PRKN: variants seen among roughly 807,000 people sequenced by gnomAD.
PRKN encodes the protein parkin RBR E3 ubiquitin protein ligase, also known as E3 ubiquitin-protein ligase parkin.
Under a neutral mutation model 59.5 loss-of-function variants are expected in PRKN, and 56 were observed. The ratio of observed to expected loss-of-function variants is 0.94; its 90% confidence interval spans 0.76 to 1.18. The LOEUF (loss-of-function observed/expected upper bound fraction) is 1.18. Ranked by LOEUF, PRKN falls within the 50% of genes most tolerant of loss-of-function variation. PRKN has a pLI of 0.00. For missense variants in PRKN, 657 were observed against 596.4 expected (o/e 1.10, Z -1.06); for synonymous variants, 250 against 222.1 (o/e 1.13, Z -1.12).
intron 7 of PRKN, among the ~76,000 whole-genome samples, chr6:161,706,186 G>T (rs1284261452): frequency 6.6e-6 from 1 of 152,130 alleles, no homozygotes; most frequent in Non-Finnish European, 1.5e-5. Context: ...TCAACTGGAT[G>T]CTGTCATGGC....
At chr6:161,777,757 GTA>G (rs1554304259) in intron 7 of PRKN, among the ~76,000 whole-genome samples, 1 of 135,260 alleles carries the variant, frequency 7.4e-6, no homozygotes, top group Admixed American at 7.6e-5. Context: ...AGATATATAT[GTA>G]TATGTATATA....
chr6:161,880,559 T>G (rs1030605282), intron 6 of PRKN, among the ~76,000 whole-genome samples: 1 of 152,116 alleles, frequency 6.6e-6, no homozygotes, highest in African/African-American at 2.4e-5. Flanking sequence ...GGAAAGACAG[T>G]GCGGTCACAG....
At chr6:161,836,495 T>C (rs998830484) in intron 6 of PRKN, among the ~76,000 whole-genome samples, 3 of 152,208 alleles carry the variant, frequency 2.0e-5, no homozygotes, top group Admixed American at 6.5e-5. Flanking sequence ...AAAGCGTGAA[T>C]GAGAGTTCAG....
intron 7 of PRKN, among the ~76,000 whole-genome samples, chr6:161,615,975 T>G (rs1273548485): frequency 6.6e-6 from 1 of 152,184 alleles, no homozygotes; most frequent in Non-Finnish European, 1.5e-5. Flanking sequence ...ATAGCCTGAA[T>G]GGTAACACAC....
chr6:162,292,701 G>A (rs150322644), intron 2 of PRKN, among the ~76,000 whole-genome samples: 2 of 152,142 alleles, frequency 1.3e-5, no homozygotes, highest in Admixed American at 6.5e-5. Context: ...AGAGCAGCTG[G>A]GTGAGAAGCA....
intron 6 of PRKN, among the ~76,000 whole-genome samples, chr6:161,886,033 C>G (rs1039118653): frequency 2.0e-5 from 3 of 152,166 alleles, no homozygotes; most frequent in Admixed American, 2.0e-4. Context: ...CTTCTCCAAA[C>G]AAGTGCTTTA....
intron 2 of PRKN, chr6:162,270,863 G>C (rs1780348513): frequency 4.6e-5 from 7 of 151,282 alleles, no homozygotes; most frequent in Admixed American, 3.3e-4. Context: ...TTTTAAGGCA[G>C]GGTCTCACTC....
At chr6:162,105,449 T>C (rs1780153306) in intron 4 of PRKN, among the ~76,000 whole-genome samples, 2 of 152,216 alleles carry the variant, frequency 1.3e-5, no homozygotes, top group Admixed American at 6.5e-5. Flanking sequence ...TTACCCAGCC[T>C]AGAGTGCAAT....
chr6:162,016,336 A>G (rs916640836), intron 5 of PRKN, among the ~76,000 whole-genome samples: 2 of 152,082 alleles, frequency 1.3e-5, no homozygotes, highest in Non-Finnish European at 2.9e-5. Flanking sequence ...CTCACTTTCC[A>G]TACACAAAAT....
intron 7 of PRKN, among the ~76,000 whole-genome samples, chr6:161,573,498 A>G (rs1780974539): frequency 6.6e-6 from 1 of 151,512 alleles, no homozygotes; most frequent in Non-Finnish European, 1.5e-5. Context: ...AGGCAGGCAG[A>G]TCACGAGGTC....
At chr6:162,366,983 G>C (rs1386199130) in intron 2 of PRKN, among the ~76,000 whole-genome samples, 1 of 152,094 alleles carries the variant, frequency 6.6e-6, no homozygotes, top group African/African-American at 2.4e-5. Flanking sequence ...AGTTTGATAT[G>C]GTTTGGCTGT....
Position 161,401,954 on chromosome 6 carries a change from A to G in PRKN, c.1084-15077T>C, listed in dbSNP as rs1583022584. Among the ~76,000 whole-genome samples the G allele has an allele frequency of 1.3e-5, 2 of 152,196 alleles. No homozygotes were observed. The highest frequency in any genetic ancestry group is 4.1e-4 in the South Asian group (2 of 4,830). On this transcript the variant is annotated intron_variant, in intron 9 of 11. Transcript: ENST00000366898. This position sits in a 1 kb window ranked among gnomAD's most constrained non-coding sequence, Gnocchi z 4.4. ...GTTAATGCTTCTACTTATATTCTTA[A>G]GGCCTCTTAAAGAAGGTTCCCAGCT...
chr6:161,920,990 C>T (rs1778765015), intron 6 of PRKN, among the ~76,000 whole-genome samples: 1 of 152,060 alleles, frequency 6.6e-6, no homozygotes, highest in Admixed American at 6.6e-5. Context: ...ATAAACTGAC[C>T]TTGGCTTACT....
chr6:161,829,763 C>G (rs1432017853), intron 6 of PRKN, among the ~76,000 whole-genome samples: 1 of 150,086 alleles, frequency 6.7e-6, no homozygotes, highest in Non-Finnish European at 1.5e-5. Flanking sequence ...GCCTGGTGAA[C>G]ATGTGCTCTG....
intron 6 of PRKN, among the ~76,000 whole-genome samples, chr6:161,887,806 T>TTC (rs1795209649): frequency 6.6e-6 from 1 of 152,192 alleles, no homozygotes; most frequent in Admixed American, 6.5e-5. Flanking sequence ...AAACAGTTAT[T>TTC]TTGTCCCATT....
intron 10 of PRKN, among the ~76,000 whole-genome samples, chr6:161,382,723 A>T (rs17560782): frequency 0.16 from 23,699 of 152,232 alleles, 1,930 homozygotes; most frequent in Admixed American, 0.19. Context: ...AGCAGTTTCA[A>T]CGTAAAGCTT....
At chr6:162,321,798 A>T (rs1177325037) in intron 2 of PRKN, among the ~76,000 whole-genome samples, 1 of 151,988 alleles carries the variant, frequency 6.6e-6, no homozygotes, top group Admixed American at 6.6e-5. Context: ...TCTGACAAAA[A>T]TCTGAAGTCT....
At chr6:161,573,413 A>G (rs896381505) in intron 7 of PRKN, among the ~76,000 whole-genome samples, 3 of 152,066 alleles carry the variant, frequency 2.0e-5, no homozygotes, top group African/African-American at 7.2e-5. Flanking sequence ...CATTGAAGAC[A>G]TATTGTCTTA....
At chr6:162,333,820 C>A (rs1334873390) in intron 2 of PRKN, among the ~76,000 whole-genome samples, 4 of 152,184 alleles carry the variant, frequency 2.6e-5, no homozygotes, top group Non-Finnish European at 5.9e-5. Context: ...CCAAGACAGG[C>A]TTTGCACCAG....
Sources: allele counts gnomAD v4.1 joint callset (sites outside exome capture counted in the v4.1 genomes callset), GRCh38; gene constraint gnomAD v4.1.1; non-coding constraint Gnocchi (gnomAD v3.1); transcripts MANE v1.5; gene names NCBI Gene and HGNC (gene_info 2026-07-23, HGNC 2026-07-21).